Variants in PDHB observed in about 807,000 individuals in gnomAD.
The protein encoded by PDHB is pyruvate dehydrogenase E1 component subunit beta, mitochondrial.
In PDHB, 17 loss-of-function variants were observed where a neutral mutation model predicts 42.8. The ratio of observed to expected loss-of-function variants is 0.40; its 90% CI spans 0.27 to 0.60. The LOEUF is 0.60. Ranked by LOEUF, PDHB falls within the 20% of genes least tolerant of loss-of-function variation. PDHB has a pLI of 0.46. For synonymous variants in PDHB, 154 were observed against 148.7 expected, an observed-to-expected ratio of 1.04 and a Z score of -0.26; for missense variants, 322 against 451.3, an observed-to-expected ratio of 0.71 and a Z score of 2.60.
intron 6 of PDHB, 54 bp from the exon 7 acceptor site, chr3:58,430,292 AAAC>A: frequency 8.6e-7 from 1 of 1,162,776 alleles, no homozygotes; most frequent in Non-Finnish European, 1.3e-6. Flanking sequence ...AGAATGACTA[AAAC>A]TGCATAGAAA....
At chr3:58,428,208 G>A (rs1263542551) in intron 9 of PDHB, 29 bp from the exon 10 acceptor site, 3 of 1,611,166 alleles carry the variant, frequency 1.9e-6, no homozygotes, top group Non-Finnish European at 8.5e-7. Context: ...AACTGAGAGA[G>A]TGCAAATGCC....
At chr3:58,428,248 TG>T in intron 9 of PDHB, 69 bp from the exon 10 acceptor site, 1 of 1,447,098 alleles carries the variant, frequency 6.9e-7, no homozygotes, top group Admixed American at 1.7e-5. Context: ...GGCACAGAGG[TG>T]TGGCTGACCA....
Position 58,430,710 on chromosome 3 carries a change from T to C in PDHB, c.536A>G (p.Asn179Ser), listed in dbSNP as rs750784388. ...AATAAGTCCTTTAGCATCCTCTGAA[T>C]TCCAGGGACTGACCACCTTTAAGCC... ...CPGLKVVSPWNSEDAKGLIKS... is the reference protein window; with the variant it reads ...CPGLKVVSPWSSEDAKGLIKS... The change falls in exon 6 of 10, where the codon AAT becomes AGT. Residue 179 changes from asparagine (N) to serine (S), a missense_variant. Asn to Ser is a conservative substitution (Grantham distance 46). This residue lies in a region of PDHB where 208 missense variants were observed against 285.0 expected (regional missense o/e 0.73). Transcript: ENST00000302746. The C allele has an allele frequency of 6.2e-7, 1 of 1,614,002 alleles. No individual in the cohort carries two copies. Among genetic ancestry groups the C allele is most frequent in the Non-Finnish European group, 8.5e-7 (1 of 1,180,004 alleles).
In PDHB at chr3:58,431,479, T is replaced by G; in HGVS notation, c.303+114A>C. 3.6e-6 allele frequency: 3 copies of G among 844,688 alleles called. No homozygotes were observed. The highest frequency in any genetic ancestry group is 6.1e-6 in the Non-Finnish European group (3 of 495,770). The allele number at this position is 844,688 out of a possible 1,614,324, so 52.3% of individuals were successfully genotyped here. A position where few individuals can be genotyped will look rare whatever the true frequency, so the allele number is the denominator to read the frequency against. ...AGGAGAATTGCTTGAACCTGGAAGC[T>G]GAGATGGTGCCAGTGCACTCCAGGC... On this transcript the variant is annotated intron_variant, in intron 5 of 9. Transcript: ENST00000302746. This position sits in a 1 kb window ranked among gnomAD's most constrained non-coding sequence, Gnocchi z 4.4.
At chr3:58,429,471 A>T (rs939731002) in intron 8 of PDHB, among the ~76,000 whole-genome samples, 1 of 151,940 alleles carries the variant, frequency 6.6e-6, no homozygotes, top group Admixed American at 6.6e-5. Context: ...ACTGAGAACC[A>T]GAAGAGGTTC....
chr3:58,428,343 C>A, intron 9 of PDHB, 130 bp downstream of exon 9: 2 of 1,266,516 alleles, frequency 1.6e-6, no homozygotes, highest in Admixed American at 1.7e-5. Flanking sequence ...AGAGAAATGC[C>A]AAACTTACAA....
chr3:58,433,776 G>T lies in PDHB; in HGVS notation c.34C>A (p.Leu12Ile), dbSNP rs778745122. The change falls in exon 1 of 10, where the codon CTT (leucine) becomes ATT (isoleucine). Residue 12 changes from leucine (L) to isoleucine (I), a missense_variant. Physicochemically the swap from Leu to Ile is conservative, Grantham distance 5 (BLOSUM62 2). Coordinates refer to ENST00000302746, the MANE Select transcript of PDHB (RefSeq NM_000925.4). ...CGCGCGCTGCTGCCTACCTCCCGAAGGGGTCTCCGCACCAAGCCAGACACC... is the reference window on the plus strand; with the variant it reads ...CGCGCGCTGCTGCCTACCTCCCGAATGGGTCTCCGCACCAAGCCAGACACC... ...AAVSGLVRRP[L>I]REVSGLLKRR... is the part of the protein sequence containing the mutation. The T allele has an allele frequency of 1.4e-5, 23 of 1,612,388 alleles. No individual in the cohort carries two copies. The highest frequency in any genetic ancestry group is 1.9e-5 in the Non-Finnish European group (23 of 1,179,656).
Position 58,427,913 on chromosome 3 carries a change from A to T in PDHB, c.*121T>A, listed in dbSNP as rs2062884240. On this transcript the variant is annotated 3_prime_UTR_variant, in exon 10 of 10. Transcript: ENST00000302746. ...CATTTAAACTTCCCTGTACAAAAATACCTGCTGTTGCTTTAGAAATCGTTT... is the reference window on the plus strand; with the variant it reads ...CATTTAAACTTCCCTGTACAAAAATTCCTGCTGTTGCTTTAGAAATCGTTT... The T allele has an allele frequency of 2.6e-6, 2 of 772,028 alleles. No individual in the cohort carries two copies. The highest frequency in any genetic ancestry group is 5.3e-5 in the East Asian group (2 of 37,492). 47.8% of individuals were successfully genotyped at this position (772,028 alleles called of 1,614,324 possible).
chr3:58,428,512 A>C lies in PDHB; in HGVS notation c.895T>G (p.Phe299Val), dbSNP rs2062892888. Reference sequence around the variant, plus strand: ...GCACAGATTTCAGCTCCTACTCCAAACTGTGGCCAGCCTCCTTCCACAGTT... The same window carrying C: ...GCACAGATTTCAGCTCCTACTCCAACCTGTGGCCAGCCTCCTTCCACAGTT... ...LVTVEGGWPQFGVGAEICARI... is the reference protein window; with the variant it reads ...LVTVEGGWPQVGVGAEICARI... The change falls in exon 9 of 10, where the codon TTT (phenylalanine) becomes GTT (valine). Residue 299 changes from phenylalanine (F) to valine (V), a missense_variant. Phe to Val is a conservative substitution (Grantham distance 50). Around this residue, in one of 3 missense-constraint regions of PDHB, gnomAD observed 208 missense variants for 285.0 expected, o/e 0.73. Transcript: ENST00000302746. 1 of 1,613,976 alleles carries C rather than the reference A, an allele frequency of 6.2e-7. No individual in the cohort carries two copies. Among genetic ancestry groups the C allele is most frequent in the Non-Finnish European group, 8.5e-7 (1 of 1,180,010 alleles).
intron 1 of PDHB, 22 bp downstream of exon 1, chr3:58,433,746 C>T (rs1576959513): frequency 6.2e-7 from 1 of 1,612,270 alleles, no homozygotes. Flanking sequence ...CGTGGGAATA[C>T]AGGCCGCGCG....
Position 58,431,800 on chromosome 3 carries a change from T to C in PDHB, c.205-7A>G. On this transcript the variant is annotated splice_region_variant and splice_polypyrimidine_tract_variant and intron_variant, in intron 3 of 9. Transcript: ENST00000302746. This position sits in a 1 kb window ranked among gnomAD's most constrained non-coding sequence, Gnocchi z 4.4. ...TCCACAGCCCTCGACTAACCTACAATTAAGAGTTGATCCCTTAAGTGTATC... is the reference window on the plus strand; with the variant it reads ...TCCACAGCCCTCGACTAACCTACAACTAAGAGTTGATCCCTTAAGTGTATC... The C allele has an allele frequency of 1.2e-6, 2 of 1,613,190 alleles. No homozygotes were observed. The highest frequency in any genetic ancestry group is 1.7e-6 in the Non-Finnish European group (2 of 1,179,138).
chr3:58,431,114 G>A lies in PDHB; in HGVS notation c.304-172C>T. ...CTGGAGTGCAGTGGCACACATCATA[G>A]CTCACTGCAGCCTCTAACTCCTAGG... On this transcript the variant is annotated intron_variant, in intron 5 of 9. Transcript: ENST00000302746. The surrounding 1 kb of genome is among the most constrained non-coding windows in gnomAD (Gnocchi z 4.4). 3.0e-6 allele frequency: 2 copies of A among 673,228 alleles called. No homozygotes were observed. The highest frequency in any genetic ancestry group is 5.2e-6 in the Non-Finnish European group (2 of 384,906). 41.7% of individuals were successfully genotyped at this position (673,228 alleles called of 1,614,324 possible).
rs1453505621 is a variant in PDHB, at chr3:58,431,510, A to G, written c.303+83T>C. ...GGTGCCAGTGCACTCCAGGCTGGACAACAGAGTGAGACTCTGTCTCAAAAG... is the reference window on the plus strand; with the variant it reads ...GGTGCCAGTGCACTCCAGGCTGGACGACAGAGTGAGACTCTGTCTCAAAAG... On this transcript the variant is annotated intron_variant, in intron 5 of 9. Coordinates refer to ENST00000302746, the MANE Select transcript of PDHB (RefSeq NM_000925.4). This position sits in a 1 kb window ranked among gnomAD's most constrained non-coding sequence, Gnocchi z 4.4. 3 of 1,101,712 alleles carry G rather than the reference A, an allele frequency of 2.7e-6. No homozygotes were observed. 68.2% of individuals were successfully genotyped at this position (1,101,712 alleles called of 1,614,324 possible).
At chr3:58,433,351 T>C in intron 2 of PDHB, 1 of 588,792 alleles carries the variant, frequency 1.7e-6, no homozygotes, top group Non-Finnish European at 3.0e-6. Context: ...TTAAGTTAGG[T>C]CTATTTTGCT....
rs1272604977 is a variant in PDHB at position 58,428,132 on chromosome 3, C to T, written c.982G>A (p.Ala328Thr). 1.2e-6 allele frequency: 2 copies of T among 1,613,300 alleles called. No homozygotes were observed. Among genetic ancestry groups the T allele is most frequent in the African/African-American group, 2.7e-5 (2 of 74,902 alleles). ...TTTGCATAAGGCATAGGGACATCAG[C>T]ACCAGTGACACGAACAGCAGGAGCA... The part of the protein sequence containing the change: ...LDAPAVRVTG[A>T]DVPMPYAKIL... Residue 328 changes from alanine to threonine, a missense_variant, in exon 10 of 10, where the codon GCT (alanine) becomes ACT (threonine). Coordinates refer to ENST00000302746, the MANE Select transcript of PDHB (RefSeq NM_000925.4).
rs1012192856 is a variant in PDHB at position 58,427,940 on chromosome 3, C to G, written c.*94G>C. Reference sequence around the variant, plus strand: ...CTGCTGTTGCTTTAGAAATCGTTTTCCGTTATGAATAGTCAGGTCTTGCAG... The same window carrying G: ...CTGCTGTTGCTTTAGAAATCGTTTTGCGTTATGAATAGTCAGGTCTTGCAG... On this transcript the variant is annotated 3_prime_UTR_variant, in exon 10 of 10. Coordinates refer to ENST00000302746, the MANE Select transcript of PDHB (RefSeq NM_000925.4). 3.4e-5 allele frequency: 32 copies of G among 950,382 alleles called. No individual in the cohort carries two copies. The highest frequency in any genetic ancestry group is 4.6e-5 in the Non-Finnish European group (28 of 604,036). The allele number at this position is 950,382 out of a possible 1,614,324, so 58.9% of individuals were successfully genotyped here. A position where few individuals can be genotyped will look rare whatever the true frequency, so the allele number is the denominator to read the frequency against.
Position 58,427,914 on chromosome 3 carries a change from C to T in PDHB, c.*120G>A, listed in dbSNP as rs1278602243. 3 of 776,054 alleles carry T rather than the reference C, an allele frequency of 3.9e-6. No individual in the cohort carries two copies. The highest frequency in any genetic ancestry group is 1.7e-5 in the African/African-American group (1 of 58,554). 48.1% of individuals were successfully genotyped at this position (776,054 alleles called of 1,614,324 possible). On this transcript the variant is annotated 3_prime_UTR_variant, in exon 10 of 10. Transcript: ENST00000302746. ...ATTTAAACTTCCCTGTACAAAAATA[C>T]CTGCTGTTGCTTTAGAAATCGTTTT...
intron 9 of PDHB, 99 bp downstream of exon 9, chr3:58,428,374 G>C (rs1268460522): frequency 7.2e-7 from 1 of 1,383,384 alleles, no homozygotes; most frequent in African/African-American, 1.4e-5. Context: ...GAAGTCGTTT[G>C]GCCACTCCTA....
intron 2 of PDHB, 180 bp downstream of exon 2, chr3:58,433,451 G>C (rs934182180): frequency 1.5e-6 from 1 of 663,834 alleles, no homozygotes; most frequent in Non-Finnish European, 2.6e-6. Flanking sequence ...GTGGTGACTC[G>C]CCGGTGTGCT....
Sources: gnomAD v4.1 joint callset for allele counts (sites outside exome capture counted in the v4.1 genomes callset) on GRCh38, gnomAD v4.1.1 for gene constraint, gnomAD v4.1.1 regional missense constraint, Gnocchi (gnomAD v3.1) non-coding constraint, MANE v1.5 for transcripts, NCBI Gene and HGNC (gene_info 2026-07-23, HGNC 2026-07-21) for gene names.